Variants in PDE4D observed in about 807,000 individuals in gnomAD.
The protein encoded by PDE4D is phosphodiesterase 4D, also known as 3',5'-cyclic-AMP phosphodiesterase 4D.
In PDE4D, 24 loss-of-function variants were observed where a neutral mutation model predicts 87.4. The observed-to-expected ratio is 0.27, with a 90% CI of 0.20 to 0.39. PDE4D has a LOEUF of 0.39. Among genes scored for constraint, PDE4D ranks in the 10% least tolerant of loss-of-function variants. PDE4D has a pLI of 1.00. For missense variants in PDE4D, 714 were observed against 1,041.0 expected (o/e 0.69, Z 4.32); for synonymous variants, 384 against 383.2 (o/e 1.00, Z -0.02).
intron 1 of PDE4D, among the ~76,000 whole-genome samples, chr5:60,289,821 A>G (rs766696809): frequency 2.0e-5 from 3 of 152,184 alleles, no homozygotes; most frequent in African/African-American, 2.4e-5. Context: ...GGAAACCCCA[A>G]CTAAAATAGT....
intron 1 of PDE4D, among the ~76,000 whole-genome samples, chr5:59,734,487 C>T (rs771353205): frequency 2.0e-5 from 3 of 152,030 alleles, no homozygotes; most frequent in Non-Finnish European, 2.9e-5. Flanking sequence ...AAAAGGAAGA[C>T]GGTTTGATTT....
Position 60,034,253 on chromosome 5 carries a change from C to A in PDE4D, c.43-45536G>T, listed in dbSNP as rs541118960. On this transcript the variant is annotated intron_variant, in intron 2 of 16. Transcript: ENST00000502484. ...GTGCATTCATTTCCCATTGCCCTTA[C>A]AACAAATTAACACAAACTGAGTGGT... Among the ~76,000 whole-genome samples, 17 of 152,304 alleles carry A rather than the reference C, an allele frequency of 1.1e-4. No homozygotes were observed. The South Asian group carries it at 3.5e-3, about 32-fold the overall frequency.
At chr5:59,222,384 C>T (rs1456714136) in intron 1 of PDE4D, among the ~76,000 whole-genome samples, 1 of 152,166 alleles carries the variant, frequency 6.6e-6, no homozygotes, top group Non-Finnish European at 1.5e-5. Flanking sequence ...AGTCCTGCTA[C>T]TGTGCTGAGT....
intron 1 of PDE4D, among the ~76,000 whole-genome samples, chr5:59,808,580 G>T (rs191495024): frequency 5.5e-5 from 8 of 145,024 alleles, no homozygotes; most frequent in Non-Finnish European, 1.1e-4. Flanking sequence ...GATCTATGAC[G>T]TTTGTGTGTG....
At chr5:59,190,614 T>C (rs545307767) in intron 3 of PDE4D, among the ~76,000 whole-genome samples, 41 of 152,286 alleles carry the variant, frequency 2.7e-4, no homozygotes, top group Admixed American at 7.8e-4. Flanking sequence ...TTTTTAGTTT[T>C]AAATAGTTAA....
intron 1 of PDE4D, among the ~76,000 whole-genome samples, chr5:59,229,400 T>G (rs1754632463): frequency 6.6e-6 from 1 of 152,184 alleles, no homozygotes; most frequent in African/African-American, 2.4e-5. Flanking sequence ...TGAGATTGAT[T>G]AGCACATTTG....
chr5:59,932,789 T>C (rs1435077), intron 3 of PDE4D, among the ~76,000 whole-genome samples: 53,573 of 152,078 alleles, frequency 0.35, 9,627 homozygotes, highest in Admixed American at 0.42. Context: ...AATTCATACA[T>C]GGAGGGAAAC....
At chr5:59,530,485 A>G (rs188303709) in intron 1 of PDE4D, among the ~76,000 whole-genome samples, 210 of 152,276 alleles carry the variant, frequency 1.4e-3, no homozygotes, top group Middle Eastern at 6.8e-3. Context: ...ATATACTTTA[A>G]AGCATCTCCA....
chr5:58,997,848 T>C (rs1291918786), intron 6 of PDE4D, among the ~76,000 whole-genome samples: 1 of 152,160 alleles, frequency 6.6e-6, no homozygotes, highest in African/African-American at 2.4e-5. Flanking sequence ...GCATTTAAGA[T>C]TGTTCAGGAA....
chr5:60,108,112 A>G (rs932842623), intron 2 of PDE4D, among the ~76,000 whole-genome samples: 12 of 151,922 alleles, frequency 7.9e-5, no homozygotes, highest in African/African-American at 2.9e-4. Flanking sequence ...AGAAAACCCC[A>G]TCGTCTCAGC....
chr5:59,015,943 C>A (rs1753862469), intron 6 of PDE4D, among the ~76,000 whole-genome samples: 4 of 152,112 alleles, frequency 2.6e-5, no homozygotes. Context: ...ACTATGCAGC[C>A]ATAAAAAAGG....
intron 1 of PDE4D, among the ~76,000 whole-genome samples, chr5:60,427,118 A>G (rs1743790881): frequency 6.6e-6 from 1 of 152,202 alleles, no homozygotes; most frequent in Non-Finnish European, 1.5e-5. Context: ...CTAGAAAGAA[A>G]AGCGAGTGAG....
intron 1 of PDE4D, among the ~76,000 whole-genome samples, chr5:59,410,722 TG>T (rs1319361509): frequency 1.3e-5 from 2 of 152,198 alleles, no homozygotes; most frequent in Non-Finnish European, 2.9e-5. Context: ...AGGTACTGCA[TG>T]TTTTTTTGCA....
At chr5:60,281,607 T>A (rs1042267915) in intron 1 of PDE4D, among the ~76,000 whole-genome samples, 1 of 152,176 alleles carries the variant, frequency 6.6e-6, no homozygotes, top group Non-Finnish European at 1.5e-5. Context: ...AGATAGTAGA[T>A]CTTATTCAGG....
chr5:60,318,313 C>T (rs1390744164), intron 1 of PDE4D, among the ~76,000 whole-genome samples: 1 of 152,146 alleles, frequency 6.6e-6, no homozygotes, highest in East Asian at 1.9e-4. Flanking sequence ...CAACCCCTGC[C>T]TTTTTTTGCT....
chr5:59,813,659 C>A (rs1263957901), intron 1 of PDE4D, among the ~76,000 whole-genome samples: 1 of 152,094 alleles, frequency 6.6e-6, no homozygotes, highest in East Asian at 1.9e-4. Flanking sequence ...GACTAAGAGT[C>A]TAGCAGGGGA....
At chr5:59,342,107 T>C (rs140473242) in intron 1 of PDE4D, among the ~76,000 whole-genome samples, 36 of 152,310 alleles carry the variant, frequency 2.4e-4, no homozygotes, top group Admixed American at 6.5e-4. Flanking sequence ...TTTAAATGCA[T>C]AGTATTCTAA....
rs540630862 is a variant in PDE4D, at chr5:60,444,656, A to C, written c.-90+43286T>G. Among the ~76,000 whole-genome samples the C allele has an allele frequency of 1.2e-4, 18 of 152,146 alleles. 1 individual carries two copies. In the East Asian group the frequency reaches 3.1e-3, roughly 26 times the overall value. On this transcript the variant is annotated intron_variant, in intron 1 of 16. Transcript: ENST00000502484. ...GGAGAACACTTTGGCAGAAGGAATA[A>C]CATGTAAAAAGGCACTGGGGTGTGA...
intron 1 of PDE4D, among the ~76,000 whole-genome samples, chr5:59,417,303 C>T (rs1450251782): frequency 1.6e-4 from 25 of 152,036 alleles, no homozygotes; most frequent in Admixed American, 1.6e-3. Context: ...CATCTCCAGC[C>T]AAGAGCATTG....
Sources: allele counts gnomAD v4.1 joint callset (sites outside exome capture counted in the v4.1 genomes callset), GRCh38; gene constraint gnomAD v4.1.1; transcripts MANE v1.5; gene names NCBI Gene and HGNC (gene_info 2026-07-23, HGNC 2026-07-21).